Variants in CHRNB3 observed in about 807,000 individuals in gnomAD.
The protein encoded by CHRNB3 is cholinergic receptor nicotinic beta 3 subunit, also known as neuronal acetylcholine receptor subunit beta-3.
CHRNB3 carries 37 observed loss-of-function variants against 40.6 expected under a neutral mutation model. That is an observed-to-expected ratio of 0.91 (90% CI 0.70 to 1.20). CHRNB3 has a LOEUF of 1.20. Ranked by LOEUF, CHRNB3 falls within the 50% of genes most tolerant of loss-of-function variation. The pLI, the probability that CHRNB3 is intolerant of heterozygous loss-of-function variation, is 0.00. For synonymous variants in CHRNB3, 207 were observed against 207.1 expected (o/e 1.00, Z 0.00); for missense variants, 505 against 551.2 (o/e 0.92, Z 0.84).
intron 3 of CHRNB3, among the ~76,000 whole-genome samples, chr8:42,719,250 C>T (rs1816177780): frequency 6.6e-6 from 1 of 152,180 alleles, no homozygotes; most frequent in Non-Finnish European, 1.5e-5. Context: ...GCACTGCTGA[C>T]TCTGCCACTT....
At chr8:42,710,482 T>G (rs762510558) in intron 3 of CHRNB3, 48 bp downstream of exon 3, 1 of 1,455,102 alleles carries the variant, frequency 6.9e-7, no homozygotes, top group African/African-American at 1.4e-5. Flanking sequence ...TCACTTATTT[T>G]CTATTTATAA....
In CHRNB3 at chr8:42,723,382, G is replaced by A. The variant is rs1404855798; in HGVS notation, c.250-7212G>A. Among the ~76,000 whole-genome samples, 3 of 152,138 alleles carry A rather than the reference G, an allele frequency of 2.0e-5. No individual in the cohort carries two copies. The South Asian group carries it at 6.2e-4, about 32-fold the overall frequency. ...TGGAGAGGAGATGAAATGAGCTGCT[G>A]TTTAGCCTGAGTACACCATTGTGCT... is the stretch of plus-strand genomic sequence containing the variant. On this transcript the variant is annotated intron_variant, in intron 3 of 5. Coordinates refer to ENST00000289957, the MANE Select transcript of CHRNB3 (RefSeq NM_000749.5).
Position 42,697,564 on chromosome 8 carries a change from G to T in CHRNB3, c.18G>T (p.Met6Ile). 2 of 1,613,730 alleles carry T rather than the reference G, an allele frequency of 1.2e-6. No individual in the cohort carries two copies. Among genetic ancestry groups the T allele is most frequent in the Non-Finnish European group, 1.7e-6 (2 of 1,179,660 alleles). ...ACATCACGATGCTCCCAGATTTTAT[G>T]CTGGTTCTCATCGTCCTTGGCATCC... Reference protein sequence around the residue: MLPDFMLVLIVLGIPS... With the variant: MLPDFILVLIVLGIPS... Residue 6 changes from methionine to isoleucine, a missense_variant, in exon 1 of 6, where the codon ATG becomes ATT. Met to Ile is a conservative substitution (Grantham distance 10). Coordinates refer to ENST00000289957, the MANE Select transcript of CHRNB3 (RefSeq NM_000749.5).
Position 42,736,687 on chromosome 8 carries a change from A to G in CHRNB3, c.*69A>G, listed in dbSNP as rs963982733. ...TCTGGCTATCACACAGACAGAATCC[A>G]AATGCATGTGCTTGTTCTACGAACC... On this transcript the variant is annotated 3_prime_UTR_variant, in exon 6 of 6. Transcript: ENST00000289957. The G allele has an allele frequency of 6.4e-7, 1 of 1,574,372 alleles. No homozygotes were observed. The highest frequency in any genetic ancestry group is 8.7e-7 in the Non-Finnish European group (1 of 1,147,668).
chr8:42,734,893 A>C (rs1816494096), intron 5 of CHRNB3, among the ~76,000 whole-genome samples: 1 of 152,046 alleles, frequency 6.6e-6, no homozygotes, highest in African/African-American at 2.4e-5. Flanking sequence ...AAGTTGGGAG[A>C]ATTTTTTTGT....
intron 3 of CHRNB3, among the ~76,000 whole-genome samples, chr8:42,722,806 G>A (rs1182543093): frequency 3.3e-5 from 5 of 152,094 alleles, no homozygotes; most frequent in African/African-American, 7.2e-5. Context: ...GGGCTGAAGC[G>A]ACCCACCTGC....
chr8:42,697,626 C>T (rs1240708287), intron 1 of CHRNB3, 28 bp downstream of exon 1: 1 of 1,574,286 alleles, frequency 6.4e-7, no homozygotes, highest in Non-Finnish European at 8.7e-7. Context: ...TAAATTAAAA[C>T]TACAGTTGCA....
At chr8:42,728,631 T>G (rs752746216) in intron 3 of CHRNB3, among the ~76,000 whole-genome samples, 4 of 152,122 alleles carry the variant, frequency 2.6e-5, no homozygotes, top group Admixed American at 6.5e-5. Context: ...TCCATTTACA[T>G]GACATTCTAG....
intron 3 of CHRNB3, among the ~76,000 whole-genome samples, chr8:42,714,386 C>T (rs1231252978): frequency 6.6e-6 from 1 of 151,920 alleles, no homozygotes; most frequent in Admixed American, 6.6e-5. Context: ...CCTGCAGTCC[C>T]AGCTACTCGG....
intron 3 of CHRNB3, among the ~76,000 whole-genome samples, chr8:42,712,859 C>CTTTTTTTT (rs567650103): frequency 1.7e-5 from 2 of 114,750 alleles, no homozygotes; most frequent in Non-Finnish European, 3.5e-5. Context: ...CCACTGCTCT[C>CTTTTTTTT]TTTTTTTTTT....
At chr8:42,706,767 A>G (rs1815929130) in intron 1 of CHRNB3, among the ~76,000 whole-genome samples, 2 of 152,022 alleles carry the variant, frequency 1.3e-5, no homozygotes, top group Admixed American at 6.6e-5. Flanking sequence ...TTTATTAAAA[A>G]AAATTTTTTT....
chr8:42,704,438 G>A (rs1815883233), intron 1 of CHRNB3: 1 of 152,216 alleles, frequency 6.6e-6, no homozygotes, highest in Admixed American at 6.5e-5. Context: ...CCTGGATCTT[G>A]GTGAGGAGCA....
At chr8:42,699,009 A>G (rs1395808453) in intron 1 of CHRNB3, among the ~76,000 whole-genome samples, 2 of 152,250 alleles carry the variant, frequency 1.3e-5, no homozygotes, top group Admixed American at 6.5e-5. Flanking sequence ...TCACAGATCT[A>G]TAATAAATCT....
intron 5 of CHRNB3, among the ~76,000 whole-genome samples, chr8:42,733,986 G>A (rs919444985): frequency 2.7e-5 from 4 of 150,540 alleles, no homozygotes; most frequent in African/African-American, 7.3e-5. Flanking sequence ...GGCCAGGCAC[G>A]GTGGCTCATG....
chr8:42,725,717 CTG>C, intron 3 of CHRNB3: 2 of 925,264 alleles, frequency 2.2e-6, no homozygotes, highest in Non-Finnish European at 3.5e-6. Context: ...TCCTCAATCA[CTG>C]TGTTGTCTGT....
At position 42,708,852 on chromosome 8, in the gene CHRNB3, C is replaced by T; in HGVS notation, c.188C>T (p.Ser63Phe). ...TIKVYFGLKISQLVDVDEKNQ... is the reference protein window; with the variant it reads ...TIKVYFGLKIFQLVDVDEKNQ... ...AAAGTATATTTTGGATTGAAAATAT[C>T]CCAGCTTGTAGATGTGGTGAGTAAT... The change falls in exon 2 of 6, where the codon TCC (serine) becomes TTC (phenylalanine). Residue 63 changes from serine to phenylalanine, a missense_variant. By Grantham distance (155) the Ser-to-Phe change is radical (BLOSUM62 -2). Coordinates refer to ENST00000289957, the MANE Select transcript of CHRNB3 (RefSeq NM_000749.5). 1 of 1,613,048 alleles carries T rather than the reference C, an allele frequency of 6.2e-7. No homozygotes were observed. The highest frequency in any genetic ancestry group is 8.5e-7 in the Non-Finnish European group (1 of 1,179,524).
chr8:42,714,483 T>TCAAAACAAAA (rs576411761), intron 3 of CHRNB3, among the ~76,000 whole-genome samples: 9 of 151,494 alleles, frequency 5.9e-5, no homozygotes, highest in Non-Finnish European at 1.2e-4. Flanking sequence ...AGACTCTGTC[T>TCAAAACAAAA]CAAAACAAAA....
At chr8:42,699,110 T>C (rs549544857) in intron 1 of CHRNB3, among the ~76,000 whole-genome samples, 2 of 152,376 alleles carry the variant, frequency 1.3e-5, no homozygotes, top group East Asian at 3.9e-4. Flanking sequence ...CTTACATTTT[T>C]TAACTTTACT....
At chr8:42,727,095 G>A (rs376066003) in intron 3 of CHRNB3, among the ~76,000 whole-genome samples, 76 of 152,220 alleles carry the variant, frequency 5.0e-4, no homozygotes, top group African/African-American at 1.7e-3. Flanking sequence ...GCACAGGGCC[G>A]GGCGCCGTGG....
Sources: allele counts gnomAD v4.1 joint callset (sites outside exome capture counted in the v4.1 genomes callset), GRCh38; gene constraint gnomAD v4.1.1; transcripts MANE v1.5; gene names NCBI Gene and HGNC (gene_info 2026-07-23, HGNC 2026-07-21).